NELL2: variants seen among roughly 807,000 people sequenced by gnomAD.
The protein encoded by NELL2 is neural EGFL like 2, also known as protein kinase C-binding protein NELL2.
A neutral mutation model predicts 109.6 loss-of-function variants in NELL2; 41 were observed. That is an observed-to-expected ratio of 0.37 (90% CI 0.29 to 0.49). The LOEUF is 0.49. Ranked by LOEUF, NELL2 falls within the 20% of genes least tolerant of loss-of-function variation. NELL2 has a pLI of 0.98. For missense variants in NELL2, 900 were observed against 1,008.3 expected, an observed-to-expected ratio of 0.89 and a Z score of 1.45; for synonymous variants, 355 against 344.7, an observed-to-expected ratio of 1.03 and a Z score of -0.33.
chr12:44,842,085 A>AAGGGAGGGAGGGAGGGAGGGAGGGAGGG (rs1231771942), intron 2 of NELL2, among the ~76,000 whole-genome samples: 8 of 67,566 alleles, frequency 1.2e-4, no homozygotes, highest in African/African-American at 4.6e-4. Flanking sequence ...GTAAGGACGG[A>AAGGGAGGGAGGGAGGGAGGGAGGGAGGG]AGGGAGGGAG....
At chr12:44,794,622 G>A (rs1413168124) in intron 3 of NELL2, among the ~76,000 whole-genome samples, 2 of 152,028 alleles carry the variant, frequency 1.3e-5, no homozygotes, top group Non-Finnish European at 2.9e-5. Context: ...CATTAGTTCT[G>A]TAAACTGCCC....
chr12:44,897,400 C>T (rs1945605149), intron 1 of NELL2, among the ~76,000 whole-genome samples: 1 of 152,088 alleles, frequency 6.6e-6, no homozygotes, highest in Non-Finnish European at 1.5e-5. Context: ...GTGATACCTG[C>T]ATTTCCAACT....
chr12:44,767,035 T>A (rs1941361048), intron 9 of NELL2, among the ~76,000 whole-genome samples: 1 of 152,200 alleles, frequency 6.6e-6, no homozygotes, highest in South Asian at 2.1e-4. Context: ...CATAATTAAA[T>A]AGGCACAGTA....
At chr12:44,877,385 T>C (rs540014290), upstream of NELL2, among the ~76,000 whole-genome samples, 62 of 152,306 alleles carry the variant, frequency 4.1e-4, no homozygotes, top group African/African-American at 1.4e-3. Flanking sequence ...GCCCTAAAAT[T>C]TTTAGGTAAA....
intron 9 of NELL2, among the ~76,000 whole-genome samples, chr12:44,762,601 T>C (rs2136553060): frequency 6.6e-6 from 1 of 152,338 alleles, no homozygotes; most frequent in South Asian, 2.1e-4. Flanking sequence ...CTGAAACTCA[T>C]AGTATGACTC....
At chr12:44,876,891 T>A, upstream of NELL2, 1 of 1,280,154 alleles carries the variant, frequency 7.8e-7, no homozygotes, top group South Asian at 2.5e-5. Context: ...GCCCCGGGTG[T>A]CCTGGTGGAG....
chr12:44,761,653 TAAAG>T (rs1199988648), intron 9 of NELL2, among the ~76,000 whole-genome samples: 2 of 152,152 alleles, frequency 1.3e-5, no homozygotes, highest in African/African-American at 4.8e-5. Context: ...AATGACTGGA[TAAAG>T]AAAGTGTGGC....
At chr12:44,591,611 A>G (rs1018598644) in intron 15 of NELL2, among the ~76,000 whole-genome samples, 2 of 152,174 alleles carry the variant, frequency 1.3e-5, no homozygotes, top group African/African-American at 4.8e-5. Flanking sequence ...TTACTAGAAG[A>G]CAGAAAGGAG....
intron 9 of NELL2, among the ~76,000 whole-genome samples, chr12:44,755,440 GTC>G (rs968613310): frequency 6.6e-6 from 1 of 151,752 alleles, no homozygotes; most frequent in African/African-American, 2.4e-5. Context: ...TCTGGTCACA[GTC>G]TCTCTCTCTG....
intron 9 of NELL2, among the ~76,000 whole-genome samples, chr12:44,739,627 A>G (rs888317971): frequency 6.6e-6 from 1 of 152,232 alleles, no homozygotes. Flanking sequence ...ACAGAGGCTC[A>G]TGCCTGTAAT....
At chr12:44,551,230 C>T (rs769144971) in intron 15 of NELL2, among the ~76,000 whole-genome samples, 6 of 152,118 alleles carry the variant, frequency 3.9e-5, no homozygotes, top group Non-Finnish European at 5.9e-5. Context: ...ATACTATATC[C>T]TAAGTAAACT....
Position 44,816,147 on chromosome 12 carries a change from A to C in NELL2, c.185-11T>G, listed in dbSNP as rs765092105. ...TGCTTCTGGGAGTATCTAAAAAAGA[A>C]ACAAACATATACTAAGAATAGTAGA... On this transcript the variant is annotated splice_polypyrimidine_tract_variant and intron_variant, in intron 2 of 19. Coordinates refer to ENST00000429094, the MANE Select transcript of NELL2 (RefSeq NM_001145108.2). 3 of 1,578,890 alleles carry C rather than the reference A, an allele frequency of 1.9e-6. No individual in the cohort carries two copies. The highest frequency in any genetic ancestry group is 1.7e-6 in the Non-Finnish European group (2 of 1,167,016).
chr12:44,553,373 C>T (rs1012508358), intron 15 of NELL2, among the ~76,000 whole-genome samples: 2 of 151,722 alleles, frequency 1.3e-5, no homozygotes, highest in Non-Finnish European at 2.9e-5. Flanking sequence ...AAGTAGATTT[C>T]TAAAAGAATA....
chr12:44,858,893 A>C (rs1039582173), intron 2 of NELL2, among the ~76,000 whole-genome samples: 6 of 152,236 alleles, frequency 3.9e-5, no homozygotes, highest in African/African-American at 1.4e-4. Context: ...ACTTCAAAAT[A>C]GAATGATTTC....
At chr12:44,736,379 C>T (rs952324903) in intron 9 of NELL2, among the ~76,000 whole-genome samples, 1 of 152,030 alleles carries the variant, frequency 6.6e-6, no homozygotes, top group Non-Finnish European at 1.5e-5. Context: ...TATTCTAGAG[C>T]CCTGCCAAGG....
At chr12:44,836,376 C>T (rs1944054913) in intron 2 of NELL2, among the ~76,000 whole-genome samples, 1 of 152,220 alleles carries the variant, frequency 6.6e-6, no homozygotes, top group South Asian at 2.1e-4. Flanking sequence ...GAACTGCTGA[C>T]ATAGGCCACC....
chr12:44,676,577 C>G (rs900965602), intron 12 of NELL2, among the ~76,000 whole-genome samples: 1 of 152,022 alleles, frequency 6.6e-6, no homozygotes, highest in African/African-American at 2.4e-5. Flanking sequence ...ATAATGGCCA[C>G]AAATTTGCTT....
At chr12:44,764,088 T>C (rs1414697560) in intron 9 of NELL2, among the ~76,000 whole-genome samples, 1 of 152,166 alleles carries the variant, frequency 6.6e-6, no homozygotes, top group Non-Finnish European at 1.5e-5. Context: ...CCTCATCTAA[T>C]ACAAATGTAA....
intron 16 of NELL2, among the ~76,000 whole-genome samples, chr12:44,524,497 G>A (rs17094740): frequency 0.047 from 7,221 of 152,184 alleles, 214 homozygotes; most frequent in African/African-American, 0.074. Flanking sequence ...TAACTAGGGC[G>A]CTGTATACTG....
Sources: gnomAD v4.1 joint callset for allele counts (sites outside exome capture counted in the v4.1 genomes callset) on GRCh38, gnomAD v4.1.1 for gene constraint, MANE v1.5 for transcripts, NCBI Gene and HGNC (gene_info 2026-07-23, HGNC 2026-07-21) for gene names.